COMMD6: variants seen among roughly 807,000 people sequenced by gnomAD.
COMMD6 encodes the protein COMM domain containing 6.
Under a neutral mutation model 13.4 loss-of-function variants are expected in COMMD6, and 11 were observed. The observed-to-expected ratio is 0.82, with a 90% CI of 0.52 to 1.36. The LOEUF is 1.36. COMMD6 is among the 40% of genes most tolerant of loss of function. The pLI, the probability that COMMD6 is intolerant of heterozygous loss-of-function variation, is 0.00. For missense variants in COMMD6, 124 were observed against 102.4 expected (o/e 1.21, Z -0.91); for synonymous variants, 43 against 36.5 (o/e 1.18, Z -0.64).
intron 2 of COMMD6, among the ~76,000 whole-genome samples, chr13:75,533,295 G>A (rs915547885): frequency 2.2e-4 from 34 of 151,952 alleles, no homozygotes; most frequent in African/African-American, 8.0e-4. Context: ...GGCTGGGCAC[G>A]GTGGCTCACA....
rs189269630 is a variant in COMMD6, at chr13:75,526,565, A to G, written c.*24T>C. On this transcript the variant is annotated 3_prime_UTR_variant, in exon 4 of 4. Coordinates refer to ENST00000682242, the MANE Select transcript of COMMD6 (RefSeq NM_203495.4). ...AGTCCATGACTTTAGAATGATAGCA[A>G]TTTATCAACCAAAGAATCCGTCTTC... 3 of 1,552,064 alleles carry G rather than the reference A, an allele frequency of 1.9e-6. No homozygotes were observed. In the African/African-American group the frequency reaches 4.1e-5, roughly 21 times the overall value.
chr13:75,546,135 A>G (rs1406340247), intron 1 of COMMD6, among the ~76,000 whole-genome samples: 1 of 152,226 alleles, frequency 6.6e-6, no homozygotes, highest in East Asian at 1.9e-4. Context: ...ATCCCCAAAA[A>G]TTGAAAAATA....
upstream of COMMD6, among the ~76,000 whole-genome samples, chr13:75,540,638 C>T (rs956565606): frequency 6.6e-6 from 1 of 152,144 alleles, no homozygotes; most frequent in African/African-American, 2.4e-5. Flanking sequence ...CTCCATCTTA[C>T]AAGAGATCAC....
rs770843519 is a variant in COMMD6 at position 75,530,195 on chromosome 13, G to A, written c.126C>T (p.Tyr42=). The change falls in exon 3 of 4, where the codon TAC becomes TAT. Residue 42 remains tyrosine (Y), a synonymous_variant. Transcript: ENST00000682242. ...CTGCCACTTTTAGCATCACTGCAAC[G>A]TAAGGATACTTAAGAGATCTGCAAG... is the stretch of plus-strand genomic sequence containing the variant. ...SDTCRSLKYP[Y]VAVMLKVADH... 30 of 1,613,192 alleles carry A rather than the reference G, an allele frequency of 1.9e-5. No individual in the cohort carries two copies. The highest frequency in any genetic ancestry group is 2.5e-5 in the Non-Finnish European group (29 of 1,179,336).
chr13:75,529,658 G>A (rs1338104458), intron 3 of COMMD6: 1 of 152,378 alleles, frequency 6.6e-6, no homozygotes, highest in East Asian at 1.9e-4. Context: ...AGTTACTTAA[G>A]TCCCTAGCTG....
In COMMD6 at chr13:75,537,816, T is replaced by G; in HGVS notation, c.-11A>C. 3 of 1,594,808 alleles carry G rather than the reference T, an allele frequency of 1.9e-6. No homozygotes were observed. Among genetic ancestry groups the G allele is most frequent in the Non-Finnish European group, 2.6e-6 (3 of 1,168,078 alleles). On this transcript the variant is annotated 5_prime_UTR_variant, in exon 1 of 4. Coordinates refer to ENST00000682242, the MANE Select transcript of COMMD6 (RefSeq NM_203495.4). ...GCTGGACGCCTCCATGGGCAGCGTC[T>G]GGGACTTGCGGCCCGGACTCGAGAG... is the stretch of plus-strand genomic sequence containing the variant.
At chr13:75,541,563 A>C (rs1318539186), upstream of COMMD6, among the ~76,000 whole-genome samples, 1 of 151,854 alleles carries the variant, frequency 6.6e-6, no homozygotes, top group Admixed American at 6.6e-5. Flanking sequence ...TTGGACCAAT[A>C]CGGGTCTGGA....
chr13:75,531,654 A>C (rs2030483646), intron 2 of COMMD6, among the ~76,000 whole-genome samples: 1 of 152,244 alleles, frequency 6.6e-6, no homozygotes, highest in Non-Finnish European at 1.5e-5. Flanking sequence ...TAAAAGCCAC[A>C]ATTAGATACC....
chr13:75,537,891 T>A, upstream of COMMD6: 2 of 1,400,618 alleles, frequency 1.4e-6, no homozygotes, highest in Non-Finnish European at 1.9e-6. Flanking sequence ...CCTAGCGGCC[T>A]GGCGCATGGG....
rs2030244624 is a variant in COMMD6 at position 75,526,143 on chromosome 13, T to A, written c.*446A>T. ...TTCTGATTGCCATTATAATAAGTGA[T>A]GGCTATACTATTGAATTTGTAAAGT... On this transcript the variant is annotated 3_prime_UTR_variant, in exon 4 of 4. Transcript: ENST00000682242. 1.3e-5 allele frequency: 2 copies of A among 152,560 alleles called. No homozygotes were observed. Among genetic ancestry groups the A allele is most frequent in the South Asian group, 4.1e-4 (2 of 4,854 alleles). 9.5% of individuals were successfully genotyped at this position (152,560 alleles called of 1,614,324 possible).
intron 3 of COMMD6, 86 bp downstream of exon 3, chr13:75,530,028 G>A (rs1375876127): frequency 1.0e-5 from 11 of 1,091,324 alleles, no homozygotes; most frequent in Non-Finnish European, 1.5e-5. Context: ...AACCATTAAA[G>A]TTTTCCCGTA....
In COMMD6 at chr13:75,532,646, A is replaced by G. The variant is rs188965745; in HGVS notation, c.55-2380T>C. 2.1e-3 allele frequency among the ~76,000 whole-genome samples: 323 copies of G among 152,238 alleles called. 4 individuals are homozygous for G. The East Asian group carries it at 0.051, about 24-fold the overall frequency. Reference sequence around the variant, plus strand: ...GGAGATCAGAATCATCCTGGCTAACACAGTGAAACCCCATCTCTACCAAAA... The same window carrying G: ...GGAGATCAGAATCATCCTGGCTAACGCAGTGAAACCCCATCTCTACCAAAA... On this transcript the variant is annotated intron_variant, in intron 2 of 3. Coordinates refer to ENST00000682242, the MANE Select transcript of COMMD6 (RefSeq NM_203495.4).
intron 1 of COMMD6, among the ~76,000 whole-genome samples, chr13:75,547,068 T>C (rs576138260): frequency 3.9e-5 from 6 of 152,338 alleles, no homozygotes; most frequent in African/African-American, 1.4e-4. Context: ...AGTGAAAACC[T>C]GAACAAACCT....
intron 2 of COMMD6, among the ~76,000 whole-genome samples, chr13:75,536,177 A>G (rs2030657499): frequency 6.6e-6 from 1 of 152,188 alleles, no homozygotes; most frequent in African/African-American, 2.4e-5. Context: ...GCTGGCCTGT[A>G]ATTTCTTCAT....
chr13:75,536,341 T>C (rs2030662673), intron 2 of COMMD6, among the ~76,000 whole-genome samples: 1 of 152,240 alleles, frequency 6.6e-6, no homozygotes, highest in African/African-American at 2.4e-5. Context: ...TCATATAATC[T>C]GTGAATGACT....
Position 75,536,644 on chromosome 13 carries a change from T to A in COMMD6, c.54+1020A>T, listed in dbSNP as rs150799117. ...GAAGATGGAAGCAGAGGCCACAAGC[T>A]AAGGAGGAAACATTCTCCCCTACCG... On this transcript the variant is annotated intron_variant, in intron 2 of 3. Coordinates refer to ENST00000682242, the MANE Select transcript of COMMD6 (RefSeq NM_203495.4). 5.8e-3 allele frequency among the ~76,000 whole-genome samples: 885 copies of A among 152,178 alleles called. 8 individuals are homozygous for A. The highest frequency in any genetic ancestry group is 0.02 in the African/African-American group (846 of 41,510).
chr13:75,538,177 G>T (rs2030751159), upstream of COMMD6, among the ~76,000 whole-genome samples: 1 of 152,186 alleles, frequency 6.6e-6, no homozygotes, highest in Non-Finnish European at 1.5e-5. Context: ...TTCGGAAGGC[G>T]CTGGGCGACC....
chr13:75,529,999 A>G (rs552646072), intron 3 of COMMD6, 115 bp downstream of exon 3: 8 of 765,976 alleles, frequency 1.0e-5, no homozygotes, highest in East Asian at 2.5e-5. Context: ...AACGTAAAGC[A>G]TATCAATCTA....
chr13:75,527,786 T>A, intron 3 of COMMD6: 1 of 1,461,228 alleles, frequency 6.8e-7, no homozygotes, highest in Non-Finnish European at 9.1e-7. Context: ...CTCACTTATA[T>A]GTGGAATCTA....
Sources: gnomAD v4.1 joint callset for allele counts (sites outside exome capture counted in the v4.1 genomes callset) on GRCh38, gnomAD v4.1.1 for gene constraint, MANE v1.5 for transcripts, NCBI Gene and HGNC (gene_info 2026-07-23, HGNC 2026-07-21) for gene names.